The following NTN1 variants were observed in gnomAD, a reference collection of about 807,000 sequenced individuals.
The protein encoded by NTN1 is netrin 1.
Under a neutral mutation model 54.2 loss-of-function variants are expected in NTN1, and 11 were observed. The observed-to-expected ratio is 0.20, with a 90% CI of 0.13 to 0.34. The LOEUF is 0.34. Ranked by LOEUF, NTN1 falls within the 10% of genes least tolerant of loss-of-function variation. The probability of loss-of-function intolerance (pLI) is 1.00; values close to 1 mark genes in which losing one functional copy is unlikely to be tolerated. For synonymous variants in NTN1, 371 were observed against 382.0 expected (o/e 0.97, Z 0.33); for missense variants, 740 against 893.1 (o/e 0.83, Z 2.18).
At chr17:9,224,032 C>T (rs981322481) in intron 6 of NTN1, among the ~76,000 whole-genome samples, 2 of 152,216 alleles carry the variant, frequency 1.3e-5, no homozygotes, top group African/African-American at 4.8e-5. Flanking sequence ...GAGGAAGGCA[C>T]TGACCCACAG....
rs1332336284 is a variant in NTN1, at chr17:9,131,926, C to A, written c.1019-30887C>A. Reference sequence around the variant, plus strand: ...TCAAGCAATTCTCTGCCTCAACCTCCCTAATAGCCGGGACTACAGGCGCCC... The same window carrying A: ...TCAAGCAATTCTCTGCCTCAACCTCACTAATAGCCGGGACTACAGGCGCCC... On this transcript the variant is annotated intron_variant, in intron 2 of 6. Transcript: ENST00000173229. 2.0e-5 allele frequency among the ~76,000 whole-genome samples: 3 copies of A among 152,016 alleles called. No individual in the cohort carries two copies. The East Asian group carries it at 5.8e-4, about 29-fold the overall frequency.
chr17:9,143,238 C>G (rs2092303514), intron 2 of NTN1, among the ~76,000 whole-genome samples: 1 of 152,176 alleles, frequency 6.6e-6, no homozygotes, highest in Non-Finnish European at 1.5e-5. Context: ...GGGCCTTGGC[C>G]TGGATGCTGT....
the NTN1 span, among the ~76,000 whole-genome samples, chr17:9,010,635 C>T: frequency 1.7e-4 from 26 of 152,310 alleles, no homozygotes; most frequent in Non-Finnish European, 2.1e-4. Flanking sequence ...TAGTTTCCTG[C>T]GGCTGCTGTA....
At chr17:9,163,931 C>T (rs113800083) in intron 3 of NTN1, among the ~76,000 whole-genome samples, 6 of 152,360 alleles carry the variant, frequency 3.9e-5, no homozygotes, top group African/African-American at 9.6e-5. Flanking sequence ...GGCAACACCT[C>T]GGCATGGGTG....
chr17:9,039,365 C>T (rs894910366), intron 2 of NTN1, among the ~76,000 whole-genome samples: 12 of 152,108 alleles, frequency 7.9e-5, no homozygotes, highest in Non-Finnish European at 1.8e-4. Flanking sequence ...CAACATGTCT[C>T]TTGTATGTAA....
chr17:9,033,052 C>G (rs1187204380), intron 2 of NTN1, among the ~76,000 whole-genome samples: 1 of 149,550 alleles, frequency 6.7e-6, no homozygotes. Context: ...TTCCTGGGTT[C>G]AAGTGATTCT....
chr17:9,097,767 C>T (rs530661319), intron 2 of NTN1, among the ~76,000 whole-genome samples: 2 of 152,218 alleles, frequency 1.3e-5, no homozygotes, highest in East Asian at 1.9e-4. Flanking sequence ...CTTAATATAT[C>T]GTGGCAATCT....
chr17:9,017,068 G>A (rs964877252), upstream of NTN1, among the ~76,000 whole-genome samples: 1 of 152,112 alleles, frequency 6.6e-6, no homozygotes, highest in African/African-American at 2.4e-5. Context: ...CTGACCACCA[G>A]TTTTACAAGC....
upstream of NTN1, among the ~76,000 whole-genome samples, chr17:9,016,609 G>C (rs536477522): frequency 2.0e-5 from 3 of 152,294 alleles, no homozygotes; most frequent in East Asian, 5.8e-4. Context: ...AATTGAAGTA[G>C]CTACATGTGG....
At chr17:9,188,056 AACGT>A (rs2092439070) in intron 5 of NTN1, among the ~76,000 whole-genome samples, 1 of 152,192 alleles carries the variant, frequency 6.6e-6, no homozygotes, top group South Asian at 2.1e-4. Flanking sequence ...GGGTGATGAA[AACGT>A]CCTGGAACTT....
rs1258906501 is a variant in NTN1, at chr17:9,241,606, G to A, written c.*1638G>A. 6.6e-6 allele frequency: 1 copy of A among 152,336 alleles called. No individual in the cohort carries two copies. The highest frequency in any genetic ancestry group is 1.5e-5 in the Non-Finnish European group (1 of 68,108). 9.4% of individuals were successfully genotyped at this position (152,336 alleles called of 1,614,324 possible). Reference sequence around the variant, plus strand: ...TGGCTGCTCAAAAGGGTCATACCAAGTATGAAGCTCGGCCCCCGGTGGTCT... The same window carrying A: ...TGGCTGCTCAAAAGGGTCATACCAAATATGAAGCTCGGCCCCCGGTGGTCT... On this transcript the variant is annotated 3_prime_UTR_variant, in exon 7 of 7. Transcript: ENST00000173229.
Position 9,240,029 on chromosome 17 carries a change from G to A in NTN1, c.*61G>A. On this transcript the variant is annotated 3_prime_UTR_variant, in exon 7 of 7. Coordinates refer to ENST00000173229, the MANE Select transcript of NTN1 (RefSeq NM_004822.3). ...AGGGCGGGGCCGAGCGAGAGCGGGC[G>A]CCTTGGCCCGGCCGCCGCGGACTTG... 2 of 1,145,586 alleles carry A rather than the reference G, an allele frequency of 1.7e-6. No homozygotes were observed. The highest frequency in any genetic ancestry group is 2.2e-6 in the Non-Finnish European group (2 of 925,138). 71.0% of individuals were successfully genotyped at this position (1,145,586 alleles called of 1,614,324 possible). A position where few individuals can be genotyped will look rare whatever the true frequency, so the allele number is the denominator to read the frequency against.
intron 2 of NTN1, among the ~76,000 whole-genome samples, chr17:9,136,092 CAG>C (rs763267769): frequency 5.6e-4 from 85 of 152,340 alleles, no homozygotes; most frequent in Non-Finnish European, 1.1e-3. Flanking sequence ...AGTCCCCACT[CAG>C]GGGAAACTGA....
rs757792325 is a variant in NTN1, at chr17:9,022,893, T to C, written c.520T>C (p.Phe174Leu). The change falls in exon 2 of 7, where the codon TTC becomes CTC. Residue 174 changes from phenylalanine (F) to leucine (L), a missense_variant. By Grantham distance (22) the Phe-to-Leu change is conservative. Transcript: ENST00000173229. The part of the protein sequence containing the change: ...SMDYGRTWVP[F>L]QFYSTQCRKM... ...GGACTACGGGCGCACGTGGGTGCCCTTCCAGTTCTACTCCACGCAGTGCCG... is the reference window on the plus strand; with the variant it reads ...GGACTACGGGCGCACGTGGGTGCCCCTCCAGTTCTACTCCACGCAGTGCCG... The C allele has an allele frequency of 1.4e-5, 22 of 1,612,110 alleles. No homozygotes were observed. The East Asian group carries it at 4.7e-4, about 34-fold the overall frequency.
chr17:9,200,858 A>G (rs1464366494), intron 5 of NTN1, among the ~76,000 whole-genome samples: 1 of 152,182 alleles, frequency 6.6e-6, no homozygotes. Context: ...TTAATTGTTA[A>G]CTAAATCCAC....
chr17:9,047,407 T>A (rs2091944511), intron 2 of NTN1, among the ~76,000 whole-genome samples: 1 of 152,226 alleles, frequency 6.6e-6, no homozygotes, highest in African/African-American at 2.4e-5. Context: ...ATTTCAACAA[T>A]GCTCATAGCA....
intron 2 of NTN1, among the ~76,000 whole-genome samples, chr17:9,097,813 T>C (rs764845995): frequency 1.3e-5 from 2 of 152,090 alleles, no homozygotes; most frequent in Non-Finnish European, 2.9e-5. Context: ...TAGTATGCCA[T>C]TGAATGCATA....
intron 2 of NTN1, among the ~76,000 whole-genome samples, chr17:9,148,433 C>T (rs1160972174): frequency 6.6e-6 from 1 of 151,728 alleles, no homozygotes; most frequent in African/African-American, 2.4e-5. Flanking sequence ...ATTAAAGTGG[C>T]TGTTGATAAA....
At chr17:9,060,519 T>G (rs1480970837) in intron 2 of NTN1, among the ~76,000 whole-genome samples, 1 of 152,056 alleles carries the variant, frequency 6.6e-6, no homozygotes, top group Non-Finnish European at 1.5e-5. Context: ...TGTTCAGAGG[T>G]CAACTGTGAA....
Sources: allele counts gnomAD v4.1 joint callset (sites outside exome capture counted in the v4.1 genomes callset), GRCh38; gene constraint gnomAD v4.1.1; transcripts MANE v1.5; gene names NCBI Gene and HGNC (gene_info 2026-07-23, HGNC 2026-07-21).